PRXL2C: variants seen among roughly 807,000 people sequenced by gnomAD.
PRXL2C encodes peroxiredoxin like 2C, also known as peroxiredoxin-like 2C.
PRXL2C carries 38 observed loss-of-function variants against 24.9 expected under a neutral mutation model. The ratio of observed to expected loss-of-function variants is 1.53; its 90% CI spans 1.18 to 2.00. The LOEUF is 2.00. PRXL2C is among the 30% of genes most tolerant of loss of function. The pLI, the probability that PRXL2C is intolerant of heterozygous loss-of-function variation, is 0.00. For missense variants in PRXL2C, 294 were observed against 290.9 expected (o/e 1.01, Z -0.08); for synonymous variants, 98 against 117.2 (o/e 0.84, Z 1.06).
intron 5 of PRXL2C, among the ~76,000 whole-genome samples, chr9:96,645,572 T>C (rs536511728): frequency 2.4e-4 from 37 of 151,570 alleles, no homozygotes; most frequent in Middle Eastern, 3.4e-3. Context: ...CCGAGGTGGG[T>C]GGATCACGAG....
At position 96,649,051 on chromosome 9, in the gene PRXL2C, G is replaced by A. The variant is rs144267537; in HGVS notation, c.421+2339C>T. On this transcript the variant is annotated intron_variant, in intron 4 of 5. Transcript: ENST00000375234. ...GCCTCCCAAAGTGCTGGGATTACAG[G>A]CGTGAGCCACCGCGCCCAGCCCTAA... is the stretch of plus-strand genomic sequence containing the variant. 8.2e-4 allele frequency among the ~76,000 whole-genome samples: 124 copies of A among 152,070 alleles called. 2 individuals carry two copies. In the East Asian group the frequency reaches 0.021, roughly 26 times the overall value.
chr9:96,650,230 G>A (rs1357538628), intron 4 of PRXL2C, among the ~76,000 whole-genome samples: 1 of 152,190 alleles, frequency 6.6e-6, no homozygotes, highest in Non-Finnish European at 1.5e-5. Context: ...TCTGCATGGT[G>A]GGGACTATGT....
rs1848104481 is a variant in PRXL2C at position 96,640,853 on chromosome 9, T to C, written c.*906A>G. The C allele has an allele frequency of 6.7e-6, 1 of 148,958 alleles. No individual in the cohort carries two copies. Among genetic ancestry groups the C allele is most frequent in the Non-Finnish European group, 1.5e-5 (1 of 67,574 alleles). The allele number at this position is 148,958 out of a possible 1,614,324, so 9.2% of individuals were successfully genotyped here. A position where few individuals can be genotyped will look rare whatever the true frequency, so the allele number is the denominator to read the frequency against. On this transcript the variant is annotated 3_prime_UTR_variant, in exon 6 of 6. Transcript: ENST00000375234. ...TCTCAAAAAAAAAAAAAAAAAAAATTCTTATAGTTCCCTTTCAAAAAGCAC... is the reference window on the plus strand; with the variant it reads ...TCTCAAAAAAAAAAAAAAAAAAAATCCTTATAGTTCCCTTTCAAAAAGCAC...
At chr9:96,645,385 T>C (rs1001648663) in intron 5 of PRXL2C, among the ~76,000 whole-genome samples, 2 of 151,876 alleles carry the variant, frequency 1.3e-5, no homozygotes, top group African/African-American at 4.8e-5. Context: ...ATCAAATACA[T>C]AAACATCAAA....
intron 4 of PRXL2C, among the ~76,000 whole-genome samples, chr9:96,648,211 C>A (rs1848221686): frequency 6.6e-6 from 1 of 152,158 alleles, no homozygotes; most frequent in African/African-American, 2.4e-5. Flanking sequence ...CCCAAACTCT[C>A]TTCTTATGTC....
intron 2 of PRXL2C, among the ~76,000 whole-genome samples, chr9:96,653,111 C>T (rs1440876763): frequency 6.6e-6 from 1 of 151,926 alleles, no homozygotes; most frequent in Non-Finnish European, 1.5e-5. Flanking sequence ...CTGTTAGTCC[C>T]AGCTACTCAG....
rs1326430366 is a variant in PRXL2C, at chr9:96,651,712, C to A, written c.262G>T (p.Glu88Ter). The A allele has an allele frequency of 6.2e-7, 1 of 1,605,788 alleles. No homozygotes were observed. The highest frequency in any genetic ancestry group is 1.7e-5 in the Admixed American group (1 of 58,934). The change falls in exon 3 of 6, where the codon GAA (glutamate) becomes TAA (stop). Residue 88 changes from glutamate (E) to a stop codon, truncating the protein, a stop_gained and splice_region_variant. Transcript: ENST00000375234. LOFTEE classifies it high-confidence loss of function. ...ATCACTATAAGGGTGACATTTGCTT[C>A]CTTAGGAGAAAAAAAAGGACATGTA... ...LAKIPRSFLQ[E>*]ANVTLIVIGQ...
chr9:96,646,170 C>T, intron 4 of PRXL2C, 146 bp from the exon 5 acceptor site: 1 of 943,458 alleles, frequency 1.1e-6, no homozygotes, highest in Non-Finnish European at 1.5e-6. Context: ...TCAGATCATT[C>T]TTTGTCCTGT....
In PRXL2C at chr9:96,655,108, G is replaced by T. The variant is rs1238632846; in HGVS notation, c.174C>A (p.Ala58=). 1.0e-5 allele frequency: 15 copies of T among 1,433,792 alleles called. No homozygotes were observed. In the East Asian group the frequency reaches 4.1e-4, roughly 39 times the overall value. 88.8% of individuals were successfully genotyped at this position (1,433,792 alleles called of 1,614,324 possible). The change falls in exon 1 of 6, where the codon GCC becomes GCA. Residue 58 remains alanine, a synonymous_variant. Coordinates refer to ENST00000375234, the MANE Select transcript of PRXL2C (RefSeq NM_153698.2). ...PFGALFRERR[A]VVVFVRHFLC... Reference sequence around the variant, plus strand: ...CGCTCACCCGCACGAACACCACCACGGCGCGGCGCTCCCGGAACAGCGCGC... The same window carrying T: ...CGCTCACCCGCACGAACACCACCACTGCGCGGCGCTCCCGGAACAGCGCGC...
intron 5 of PRXL2C, among the ~76,000 whole-genome samples, chr9:96,645,069 G>T (rs1295282738): frequency 2.0e-5 from 3 of 151,118 alleles, no homozygotes; most frequent in Non-Finnish European, 4.4e-5. Context: ...ACCACGTCCG[G>T]CTAATTTTTT....
At position 96,655,167 on chromosome 9, in the gene PRXL2C, C is replaced by A. The variant is rs953823241; in HGVS notation, c.115G>T (p.Val39Leu). 2 of 1,240,242 alleles carry A rather than the reference C, an allele frequency of 1.6e-6. No individual in the cohort carries two copies. The highest frequency in any genetic ancestry group is 2.0e-6 in the Non-Finnish European group (2 of 994,506). The allele number at this position is 1,240,242 out of a possible 1,614,324, so 76.8% of individuals were successfully genotyped here. ...PLAAAVAELPVLDARGQRVPF... is the reference protein window; with the variant it reads ...PLAAAVAELPLLDARGQRVPF... ...ACCCGCTGCCCGCGGGCGTCCAGCACCGGCAGCTCGGCCACGGCGGCCGCC... is the reference window on the plus strand; with the variant it reads ...ACCCGCTGCCCGCGGGCGTCCAGCAACGGCAGCTCGGCCACGGCGGCCGCC... The change falls in exon 1 of 6, where the codon GTG (valine) becomes TTG (leucine). Residue 39 changes from valine to leucine, a missense_variant. By Grantham distance (32) the Val-to-Leu change is conservative. Transcript: ENST00000375234.
intron 2 of PRXL2C, 107 bp from the exon 3 acceptor site, chr9:96,651,819 T>C (rs1564410201): frequency 3.3e-6 from 3 of 911,742 alleles, no homozygotes; most frequent in Non-Finnish European, 5.0e-6. Flanking sequence ...ACCTATAGGC[T>C]TCTAGAGGAA....
chr9:96,650,965 T>C (rs2119187509), intron 4 of PRXL2C, among the ~76,000 whole-genome samples: 1 of 152,264 alleles, frequency 6.6e-6, no homozygotes, highest in South Asian at 2.1e-4. Flanking sequence ...TTCTGGAGCC[T>C]GGTGTATCTG....
At chr9:96,649,217 T>C (rs1848235612) in intron 4 of PRXL2C, among the ~76,000 whole-genome samples, 1 of 152,038 alleles carries the variant, frequency 6.6e-6, no homozygotes, top group South Asian at 2.1e-4. Context: ...AGACTCTATG[T>C]TTATGCCAGC....
intron 5 of PRXL2C, among the ~76,000 whole-genome samples, chr9:96,642,508 A>C (rs771786218): frequency 1.4e-4 from 21 of 151,076 alleles, no homozygotes; most frequent in Admixed American, 2.6e-4. Context: ...CAGAATTTTA[A>C]CTTAAACCAT....
At chr9:96,648,616 C>T (rs1027060072) in intron 4 of PRXL2C, among the ~76,000 whole-genome samples, 7 of 152,074 alleles carry the variant, frequency 4.6e-5, no homozygotes, top group African/African-American at 1.7e-4. Flanking sequence ...TCCTTCAACA[C>T]AGGTTGAAGT....
At chr9:96,644,370 A>C (rs531580589) in intron 5 of PRXL2C, among the ~76,000 whole-genome samples, 1 of 152,268 alleles carries the variant, frequency 6.6e-6, no homozygotes, top group African/African-American at 2.4e-5. Flanking sequence ...CAATCCCTAC[A>C]TCTGTTCAAA....
chr9:96,654,517 C>G (rs1371285810), intron 2 of PRXL2C, among the ~76,000 whole-genome samples, 188 bp downstream of exon 2: 1 of 152,244 alleles, frequency 6.6e-6, no homozygotes, highest in Non-Finnish European at 1.5e-5. Context: ...TACCACCAGG[C>G]AGCACCCAAT....
intron 2 of PRXL2C, among the ~76,000 whole-genome samples, chr9:96,654,062 G>T (rs1371944390): frequency 6.6e-6 from 1 of 152,048 alleles, no homozygotes; most frequent in African/African-American, 2.4e-5. Context: ...GGATGGTCTC[G>T]ATCTCCTGAC....
Sources: gnomAD v4.1 joint callset for allele counts (sites outside exome capture counted in the v4.1 genomes callset) on GRCh38, gnomAD v4.1.1 for gene constraint, MANE v1.5 for transcripts, NCBI Gene and HGNC (gene_info 2026-07-23, HGNC 2026-07-21) for gene names.